Variants in TRIQK observed in about 807,000 individuals in gnomAD.
The protein encoded by TRIQK is triple QxxK/R motif-containing protein.
Under a neutral mutation model 10.8 loss-of-function variants are expected in TRIQK, and 10 were observed. That is an observed-to-expected ratio of 0.92 (90% CI 0.57 to 1.57). The LOEUF (loss-of-function observed/expected upper bound fraction) is 1.57, where lower values mean the gene tolerates loss of function less well. Ranked by LOEUF, TRIQK falls within the 40% of genes most tolerant of loss-of-function variation. The pLI is 0.00. For missense variants in TRIQK, 107 were observed against 97.7 expected, an observed-to-expected ratio of 1.09 and a Z score of -0.40; for synonymous variants, 33 against 33.7, an observed-to-expected ratio of 0.98 and a Z score of 0.07.
intron 3 of TRIQK, among the ~76,000 whole-genome samples, chr8:92,915,566 C>A (rs1394693976): frequency 6.6e-6 from 1 of 151,858 alleles, no homozygotes; most frequent in African/African-American, 2.4e-5. Context: ...TCACTGCAAG[C>A]TCTGCCTCCC....
chr8:92,884,018 A>G lies in TRIQK; in HGVS notation c.*2604T>C, dbSNP rs757042062. The stretch of plus-strand genomic sequence containing the variant: ...ATTCCATAGGCTATATTTTAAGTCT[A>G]TTGCATTAGTTGAAATTTATTTTGC... On this transcript the variant is annotated 3_prime_UTR_variant, in exon 5 of 5. Transcript: ENST00000521988. 3 of 151,842 alleles carry G rather than the reference A, an allele frequency of 2.0e-5. No homozygotes were observed. Among genetic ancestry groups the G allele is most frequent in the Non-Finnish European group, 2.9e-5 (2 of 67,872 alleles). 9.4% of individuals were successfully genotyped at this position (151,842 alleles called of 1,614,324 possible).
chr8:92,921,371 G>C (rs1586428157), intron 2 of TRIQK: 1 of 151,666 alleles, frequency 6.6e-6, no homozygotes, highest in Admixed American at 6.6e-5. Flanking sequence ...TAAAATACAT[G>C]TTCTCCTTTT....
At chr8:92,932,442 GAC>G (rs1455785594) in intron 2 of TRIQK, among the ~76,000 whole-genome samples, 1 of 151,876 alleles carries the variant, frequency 6.6e-6, no homozygotes, top group African/African-American at 2.4e-5. Context: ...ATCCTCTTTT[GAC>G]AGTGTTAACT....
intron 1 of TRIQK, among the ~76,000 whole-genome samples, chr8:92,996,461 T>C (rs1360571509): frequency 1.3e-5 from 2 of 152,056 alleles, no homozygotes; most frequent in Non-Finnish European, 2.9e-5. Flanking sequence ...GATTCTATAA[T>C]AGGCATATGT....
rs1221312941 is a variant in TRIQK at position 92,884,149 on chromosome 8, C to T, written c.*2473G>A. 6.6e-6 allele frequency: 1 copy of T among 151,704 alleles called. No homozygotes were observed. The highest frequency in any genetic ancestry group is 1.5e-5 in the Non-Finnish European group (1 of 67,852). The allele number at this position is 151,704 out of a possible 1,614,324, so 9.4% of individuals were successfully genotyped here. ...CAGTGAATTACTGGAGGGAAGATAC[C>T]CATGTCTAAAATTTGTGTCTGGTGC... On this transcript the variant is annotated 3_prime_UTR_variant, in exon 5 of 5. Coordinates refer to ENST00000521988, the MANE Select transcript of TRIQK (RefSeq NM_001171797.2).
intron 2 of TRIQK, among the ~76,000 whole-genome samples, chr8:92,926,093 G>A (rs905856257): frequency 6.0e-5 from 9 of 151,162 alleles, no homozygotes; most frequent in African/African-American, 1.9e-4. Flanking sequence ...AAAAAAATTG[G>A]AAGCAGCCCC....
chr8:92,981,841 A>C (rs1000194285), intron 1 of TRIQK, among the ~76,000 whole-genome samples: 6 of 151,852 alleles, frequency 4.0e-5, no homozygotes, highest in Non-Finnish European at 7.4e-5. Flanking sequence ...AAAAAGAGAT[A>C]TCTTTCTCAT....
intron 1 of TRIQK, among the ~76,000 whole-genome samples, chr8:92,982,037 G>T (rs1284874746): frequency 2.0e-5 from 3 of 151,258 alleles, no homozygotes; most frequent in Non-Finnish European, 4.4e-5. Flanking sequence ...TATATATTAT[G>T]AACAATTCAA....
At chr8:92,933,080 C>G (rs1586450436) in intron 2 of TRIQK, among the ~76,000 whole-genome samples, 1 of 152,188 alleles carries the variant, frequency 6.6e-6, no homozygotes. Context: ...TAAACTGATA[C>G]TGTTCACAGG....
intron 3 of TRIQK, among the ~76,000 whole-genome samples, chr8:92,908,305 G>A (rs1431497893): frequency 2.0e-5 from 3 of 152,074 alleles, no homozygotes; most frequent in Non-Finnish European, 4.4e-5. Context: ...ATCATCATGT[G>A]GCAGTACTGC....
At chr8:92,985,511 G>A (rs1442584740) in intron 1 of TRIQK, among the ~76,000 whole-genome samples, 2 of 152,112 alleles carry the variant, frequency 1.3e-5, no homozygotes, top group East Asian at 3.9e-4. Flanking sequence ...ATAGCTTAGT[G>A]TAGAGACATC....
intron 2 of TRIQK, among the ~76,000 whole-genome samples, chr8:92,923,360 G>C (rs896546508): frequency 6.6e-6 from 1 of 151,300 alleles, no homozygotes; most frequent in Non-Finnish European, 1.5e-5. Flanking sequence ...TGCGGAAAGG[G>C]AATAACAGAC....
intron 3 of TRIQK, among the ~76,000 whole-genome samples, chr8:92,907,618 C>T (rs1008132428): frequency 2.6e-5 from 4 of 152,064 alleles, no homozygotes; most frequent in African/African-American, 9.7e-5. Context: ...TGGTAGCACA[C>T]AAATTCATAA....
intron 2 of TRIQK, among the ~76,000 whole-genome samples, chr8:92,930,390 CAAAAAAAAA>C (rs66513185): frequency 6.4e-5 from 3 of 47,140 alleles, no homozygotes; most frequent in South Asian, 2.5e-3. Context: ...ACTAGGTCTC[CAAAAAAAAA>C]AAAAAAAAAA....
intron 3 of TRIQK, among the ~76,000 whole-genome samples, chr8:92,905,100 G>A (rs1197690094): frequency 6.6e-6 from 1 of 151,974 alleles, no homozygotes; most frequent in Non-Finnish European, 1.5e-5. Context: ...GTAAATCGAT[G>A]AACAGACACG....
At chr8:92,950,657 G>A (rs1811849273) in intron 2 of TRIQK, among the ~76,000 whole-genome samples, 1 of 152,038 alleles carries the variant, frequency 6.6e-6, no homozygotes, top group Admixed American at 6.6e-5. Flanking sequence ...GATAAAACTG[G>A]TTCTGCCATA....
intron 2 of TRIQK, among the ~76,000 whole-genome samples, chr8:92,932,430 C>T (rs1810779797): frequency 6.6e-6 from 1 of 152,078 alleles, no homozygotes. Context: ...TCATTGCATG[C>T]TATCCTCTTT....
intron 3 of TRIQK, among the ~76,000 whole-genome samples, chr8:92,900,219 G>A (rs1377812269): frequency 6.6e-6 from 1 of 151,904 alleles, no homozygotes; most frequent in East Asian, 1.9e-4. Flanking sequence ...TTTACTGATG[G>A]TTTCCTTTGC....
intron 3 of TRIQK, among the ~76,000 whole-genome samples, chr8:92,913,858 C>T (rs888339852): frequency 1.3e-5 from 2 of 152,084 alleles, no homozygotes. Context: ...TCTCAGCAAA[C>T]TAACACAGGA....
Sources: allele counts gnomAD v4.1 joint callset (sites outside exome capture counted in the v4.1 genomes callset), GRCh38; gene constraint gnomAD v4.1.1; transcripts MANE v1.5; gene names NCBI Gene and HGNC (gene_info 2026-07-23, HGNC 2026-07-21).